COG5: variants seen among roughly 807,000 people sequenced by gnomAD.
COG5 encodes component of oligomeric golgi complex 5, also known as conserved oligomeric Golgi complex subunit 5.
Under a neutral mutation model 110.4 loss-of-function variants are expected in COG5, and 86 were observed. That is an observed-to-expected ratio of 0.78 (90% CI 0.65 to 0.93). COG5 has a LOEUF of 0.93. Among genes scored for constraint, COG5 ranks in the 40% least tolerant of loss-of-function variants. The pLI is 0.00. For missense variants in COG5, 1,077 were observed against 987.0 expected, an observed-to-expected ratio of 1.09 and a Z score of -1.22; for synonymous variants, 360 against 334.6, an observed-to-expected ratio of 1.08 and a Z score of -0.83.
intron 14 of COG5, among the ~76,000 whole-genome samples, chr7:107,265,611 T>C (rs535629755): frequency 1.3e-5 from 2 of 152,348 alleles, no homozygotes; most frequent in South Asian, 4.1e-4. Flanking sequence ...TTATCATAGA[T>C]TACCTGGTTC....
chr7:107,240,855 C>T (rs1212158236), intron 17 of COG5, among the ~76,000 whole-genome samples: 2 of 152,190 alleles, frequency 1.3e-5, no homozygotes, highest in African/African-American at 2.4e-5. Flanking sequence ...CTCCATATGC[C>T]TGTACTGCTA....
At chr7:107,503,745 ATCT>A (rs1337278875) in intron 6 of COG5, among the ~76,000 whole-genome samples, 1 of 151,992 alleles carries the variant, frequency 6.6e-6, no homozygotes, top group Non-Finnish European at 1.5e-5. Flanking sequence ...CTAGTATTTT[ATCT>A]TTTTTGCAGA....
intron 11 of COG5, among the ~76,000 whole-genome samples, chr7:107,306,307 T>C (rs989054971): frequency 1.3e-4 from 20 of 152,228 alleles, no homozygotes; most frequent in Non-Finnish European, 2.9e-4. Context: ...CAAGTTAATG[T>C]TTTTCATCAT....
chr7:107,349,077 A>C (rs376131071), intron 10 of COG5, among the ~76,000 whole-genome samples: 26 of 152,198 alleles, frequency 1.7e-4, no homozygotes, highest in Admixed American at 4.6e-4. Context: ...GTACATTGTT[A>C]ATATATAAAA....
chr7:107,352,699 G>A (rs992712066), intron 10 of COG5, among the ~76,000 whole-genome samples: 28 of 151,710 alleles, frequency 1.8e-4, no homozygotes, highest in African/African-American at 4.8e-4. Context: ...TGTCTAAAAG[G>A]GTAAAAGAAA....
chr7:107,510,549 T>TA (rs1799420643), intron 6 of COG5, among the ~76,000 whole-genome samples: 1 of 152,216 alleles, frequency 6.6e-6, no homozygotes, highest in Non-Finnish European at 1.5e-5. Context: ...CAAGCGGACC[T>TA]AATAGACATC....
chr7:107,426,433 G>A (rs1306051234), intron 6 of COG5, among the ~76,000 whole-genome samples: 1 of 152,112 alleles, frequency 6.6e-6, no homozygotes, highest in Non-Finnish European at 1.5e-5. Flanking sequence ...AAACTGGGTG[G>A]CTTATAAACA....
At chr7:107,432,532 T>G (rs1159866298) in intron 6 of COG5, among the ~76,000 whole-genome samples, 3 of 152,114 alleles carry the variant, frequency 2.0e-5, no homozygotes, top group Non-Finnish European at 4.4e-5. Flanking sequence ...AATACCATAA[T>G]GCTTAAAAAC....
At chr7:107,509,881 A>G (rs1343061253) in intron 6 of COG5, among the ~76,000 whole-genome samples, 1 of 152,180 alleles carries the variant, frequency 6.6e-6, no homozygotes, top group East Asian at 1.9e-4. Flanking sequence ...GCCTGCCCTA[A>G]AAGAGCTCCT....
chr7:107,263,458 G>A (rs1428615727), intron 14 of COG5, among the ~76,000 whole-genome samples: 1 of 152,170 alleles, frequency 6.6e-6, no homozygotes, highest in African/African-American at 2.4e-5. Flanking sequence ...TGTAAAATAG[G>A]AGAAATGTAC....
intron 10 of COG5, among the ~76,000 whole-genome samples, chr7:107,341,222 T>A (rs542333013): frequency 8.5e-5 from 13 of 152,132 alleles, no homozygotes; most frequent in Non-Finnish European, 1.6e-4. Context: ...AGCATTTCTA[T>A]ACGACAATAA....
At chr7:107,520,264 C>T (rs1471050058) in intron 6 of COG5, among the ~76,000 whole-genome samples, 1 of 152,158 alleles carries the variant, frequency 6.6e-6, no homozygotes, top group Non-Finnish European at 1.5e-5. Flanking sequence ...CTCACCTCTC[C>T]TATTCAACAT....
chr7:107,273,060 T>C (rs1434142223), intron 14 of COG5, among the ~76,000 whole-genome samples: 7 of 152,206 alleles, frequency 4.6e-5, no homozygotes, highest in Non-Finnish European at 5.9e-5. Context: ...GTAGTTACAG[T>C]TGCCCCATTA....
At chr7:107,276,998 T>C (rs761625009) in intron 14 of COG5, among the ~76,000 whole-genome samples, 13 of 152,198 alleles carry the variant, frequency 8.5e-5, no homozygotes, top group South Asian at 4.1e-4. Flanking sequence ...CTAAAGCCTA[T>C]TGCTTAGAAC....
intron 6 of COG5, among the ~76,000 whole-genome samples, chr7:107,479,939 ATGTCATCCTT>A (rs564524518): frequency 3.4e-4 from 52 of 152,152 alleles, no homozygotes; most frequent in Non-Finnish European, 6.5e-4. Flanking sequence ...AAACACACAA[ATGTCATCCTT>A]TGCTTTTTTC....
chr7:107,443,573 T>C (rs1794844060), intron 6 of COG5, among the ~76,000 whole-genome samples: 1 of 152,184 alleles, frequency 6.6e-6, no homozygotes, highest in South Asian at 2.1e-4. Context: ...ATAATATCTC[T>C]AATGTAATGA....
At chr7:107,416,249 T>C (rs531030054) in intron 6 of COG5, among the ~76,000 whole-genome samples, 3 of 151,508 alleles carry the variant, frequency 2.0e-5, no homozygotes, top group East Asian at 3.9e-4. Flanking sequence ...CAAATAACCA[T>C]CAATAAAAGA....
chr7:107,532,315 C>A (rs1266553652), intron 5 of COG5, among the ~76,000 whole-genome samples: 1 of 152,052 alleles, frequency 6.6e-6, no homozygotes, highest in African/African-American at 2.4e-5. Flanking sequence ...CCTTGGCCTC[C>A]CAAAGTGCTG....
intron 10 of COG5, among the ~76,000 whole-genome samples, chr7:107,358,076 A>G (rs980829597): frequency 1.2e-4 from 18 of 151,838 alleles, no homozygotes; most frequent in African/African-American, 4.1e-4. Context: ...ACTCTACCCA[A>G]TGTAATAATA....
Sources: gnomAD v4.1 joint callset for allele counts (sites outside exome capture counted in the v4.1 genomes callset) on GRCh38, gnomAD v4.1.1 for gene constraint, MANE v1.5 for transcripts, NCBI Gene and HGNC (gene_info 2026-07-23, HGNC 2026-07-21) for gene names.